TF: variants seen among roughly 807,000 people sequenced by gnomAD.
TF encodes serotransferrin.
Under a neutral mutation model 82.4 loss-of-function variants are expected in TF, and 55 were observed. That is an observed-to-expected ratio of 0.67 (90% CI 0.54 to 0.84). TF has a LOEUF of 0.84. Among genes scored for constraint, TF ranks in the 40% least tolerant of loss-of-function variants. The probability of loss-of-function intolerance (pLI) is 0.00; values close to 1 mark genes in which losing one functional copy is unlikely to be tolerated. For missense variants in TF, 737 were observed against 868.4 expected (o/e 0.85, Z 1.90); for synonymous variants, 332 against 332.6 (o/e 1.00, Z 0.02).
intron 11 of TF, among the ~76,000 whole-genome samples, chr3:133,765,208 G>A (rs986363552): frequency 6.6e-6 from 1 of 152,176 alleles, no homozygotes; most frequent in Non-Finnish European, 1.5e-5. Flanking sequence ...CATCTAGGAA[G>A]GGAAATCCAG....
At chr3:133,670,263 A>G in the TF span, among the ~76,000 whole-genome samples, 5,497 of 152,280 alleles carry the variant, frequency 0.036, 335 homozygotes, top group African/African-American at 0.13. Context: ...GGTTACTATC[A>G]TTTAACATTT....
the TF span, among the ~76,000 whole-genome samples, chr3:133,672,497 T>TAA: frequency 6.7e-6 from 1 of 149,932 alleles, no homozygotes; most frequent in Non-Finnish European, 1.5e-5. Flanking sequence ...CAGCAATATG[T>TAA]AAAAAAATGT....
the TF span, among the ~76,000 whole-genome samples, chr3:133,664,240 T>C: frequency 9.4e-3 from 1,433 of 152,308 alleles, 13 homozygotes; most frequent in Non-Finnish European, 0.014. Context: ...CCACGGAGGA[T>C]TGATTCCAAG....
At position 133,791,247 on chromosome 3, in the gene TF, T is replaced by G. The variant is rs757019021; in HGVS notation, c.*12627T>G. ...TAACTCAAATTCTGTTTATGATACT[T>G]TAAGTGTGTTGAGTATATTTTCATA... On this transcript the variant is annotated 3_prime_UTR_variant, in exon 17 of 17. Coordinates refer to ENST00000402696, the MANE Select transcript of TF (RefSeq NM_001063.4). 1 of 152,182 alleles carries G rather than the reference T, an allele frequency of 6.6e-6. No individual in the cohort carries two copies. Among genetic ancestry groups the G allele is most frequent in the Non-Finnish European group, 1.5e-5 (1 of 68,024 alleles). The allele number at this position is 152,182 out of a possible 1,614,324, so 9.4% of individuals were successfully genotyped here.
At chr3:133,667,483 G>A in the TF span, among the ~76,000 whole-genome samples, 2 of 151,968 alleles carry the variant, frequency 1.3e-5, no homozygotes, top group East Asian at 1.9e-4. Flanking sequence ...ATTACAACCC[G>A]ACCATGTGGA....
the TF span, among the ~76,000 whole-genome samples, chr3:133,738,851 A>G: frequency 1.3e-5 from 2 of 152,214 alleles, no homozygotes; most frequent in Non-Finnish European, 2.9e-5. Context: ...ATGCTCATGG[A>G]TAGGAAGAAT....
chr3:133,729,638 C>T, the TF span, among the ~76,000 whole-genome samples: 775 of 152,316 alleles, frequency 5.1e-3, 7 homozygotes, highest in African/African-American at 0.018. Context: ...CGCCCTGTTT[C>T]GGCTCGTGCA....
rs868277501 is a variant in TF, at chr3:133,786,208, A to T, written c.*7588A>T. On this transcript the variant is annotated 3_prime_UTR_variant, in exon 17 of 17. Transcript: ENST00000402696. ...TGTGAGAAACACCCAAGAATTATCA[A>T]TAAAAAAATAAATTAAAAAAAAAAA... is the stretch of plus-strand genomic sequence containing the variant. 1.8e-3 allele frequency: 58 copies of T among 32,170 alleles called. 1 individual carries two copies. The highest frequency in any genetic ancestry group is 4.5e-3 in the African/African-American group (57 of 12,540). The allele number at this position is 32,170 out of a possible 1,614,324, so 2.0% of individuals were successfully genotyped here.
chr3:133,757,727 T>TGCCATCA lies in TF; in HGVS notation c.871-42_871-41insGCCATCA, dbSNP rs761056800. 8 of 1,572,454 alleles carry TGCCATCA rather than the reference T, an allele frequency of 5.1e-6. No homozygotes were observed. In the East Asian group the frequency reaches 1.8e-4, roughly 35 times the overall value. ...TTCAGTCCCATTTCTCAGCCTCCTTTCTTCTGTGTTGCCATCCACTATTCT... is the reference window on the plus strand; with the variant it reads ...TTCAGTCCCATTTCTCAGCCTCCTTTGCCATCACTTCTGTGTTGCCATCCACTATTCT... On this transcript the variant is annotated intron_variant, in intron 7 of 16. Coordinates refer to ENST00000402696, the MANE Select transcript of TF (RefSeq NM_001063.4).
intron 11 of TF, among the ~76,000 whole-genome samples, chr3:133,766,018 T>G (rs1017762685): frequency 2.0e-5 from 3 of 152,208 alleles, no homozygotes; most frequent in African/African-American, 7.2e-5. Flanking sequence ...TTCAGTGACT[T>G]TATGCACTTA....
At chr3:133,773,883 C>T (rs1205613606) in intron 14 of TF, 2 of 152,238 alleles carry the variant, frequency 1.3e-5, no homozygotes, top group African/African-American at 4.8e-5. Context: ...GCGGTCTCCT[C>T]TCTCCCTTAG....
At chr3:133,770,342 T>C (rs3749173) in intron 13 of TF, among the ~76,000 whole-genome samples, 166 bp from the exon 14 acceptor site, 3 of 152,010 alleles carry the variant, frequency 2.0e-5, no homozygotes, top group African/African-American at 7.3e-5. Flanking sequence ...CAATTCAGAG[T>C]GTTTTGTTTT....
intron 14 of TF, among the ~76,000 whole-genome samples, chr3:133,771,446 A>G (rs568686203): frequency 2.9e-4 from 44 of 152,348 alleles, no homozygotes; most frequent in African/African-American, 1.0e-3. Flanking sequence ...GCAAGAATCA[A>G]TGGGTGTTAA....
At position 133,756,967 on chromosome 3, in the gene TF, C is replaced by T. The variant is rs769998552; in HGVS notation, c.828C>T (p.Gly276=). The change falls in exon 7 of 17, where the codon GGC becomes GGT. Residue 276 remains glycine, a synonymous_variant. Coordinates refer to ENST00000402696, the MANE Select transcript of TF (RefSeq NM_001063.4). ...PSHTVVARSM[G]GKEDLIWELL... ...ATACCGTCGTGGCCCGAAGTATGGG[C>T]GGCAAGGAGGACTTGATCTGGGAGC... The T allele has an allele frequency of 2.0e-5, 32 of 1,613,982 alleles. No individual in the cohort carries two copies. The East Asian group carries it at 4.7e-4, about 24-fold the overall frequency.
chr3:133,714,917 A>G, the TF span, among the ~76,000 whole-genome samples: 1 of 152,092 alleles, frequency 6.6e-6, no homozygotes, highest in East Asian at 1.9e-4. Flanking sequence ...TCCTGACCTC[A>G]GATGATCCAC....
chr3:133,734,147 G>A, the TF span, among the ~76,000 whole-genome samples: 1 of 152,210 alleles, frequency 6.6e-6, no homozygotes, highest in Non-Finnish European at 1.5e-5. Context: ...TCATGGTTGT[G>A]TAAGGGTGTG....
chr3:133,774,508 A>C (rs1162470268), intron 14 of TF: 2 of 152,462 alleles, frequency 1.3e-5, no homozygotes, highest in Non-Finnish European at 2.9e-5. Flanking sequence ...ATTTGTCAAG[A>C]TCTAACACTA....
the TF span, among the ~76,000 whole-genome samples, chr3:133,669,002 T>C: frequency 6.6e-6 from 1 of 152,038 alleles, no homozygotes; most frequent in Non-Finnish European, 1.5e-5. Context: ...TCTATTTTCT[T>C]TTTTCTTTTT....
chr3:133,726,408 T>G, the TF span, among the ~76,000 whole-genome samples: 202 of 152,236 alleles, frequency 1.3e-3, 1 homozygote, highest in African/African-American at 4.6e-3. Context: ...GTTGAGGAAT[T>G]TATCCATTTC....
Sources: allele counts gnomAD v4.1 joint callset (sites outside exome capture counted in the v4.1 genomes callset), GRCh38; gene constraint gnomAD v4.1.1; transcripts MANE v1.5; gene names NCBI Gene and HGNC (gene_info 2026-07-23, HGNC 2026-07-21).